Variants in CLTB observed in about 807,000 individuals in gnomAD.
The protein encoded by CLTB is clathrin light chain B.
Under a neutral mutation model 30.5 loss-of-function variants are expected in CLTB, and 10 were observed. The observed-to-expected ratio is 0.33, with a 90% CI of 0.20 to 0.56. CLTB has a LOEUF of 0.56. Ranked by LOEUF, CLTB falls within the 20% of genes least tolerant of loss-of-function variation. The pLI is 0.91. For synonymous variants in CLTB, 102 were observed against 120.3 expected, an observed-to-expected ratio of 0.85 and a Z score of 1.00; for missense variants, 261 against 308.3, an observed-to-expected ratio of 0.85 and a Z score of 1.15.
intron 2 of CLTB, among the ~76,000 whole-genome samples, chr5:176,398,388 T>C (rs1756655229): frequency 6.6e-6 from 1 of 152,128 alleles, no homozygotes; most frequent in Non-Finnish European, 1.5e-5. Context: ...TGCACTCTGA[T>C]GGGAGGACAT....
At chr5:176,397,744 G>A (rs1756615065) in intron 3 of CLTB, 26 bp from the exon 4 acceptor site, 3 of 1,601,258 alleles carry the variant, frequency 1.9e-6, no homozygotes, top group Non-Finnish European at 1.7e-6. Flanking sequence ...AGAATGAGTG[G>A]CTGCTTTCCA....
At chr5:176,395,469 G>A (rs1472445331) in intron 5 of CLTB, among the ~76,000 whole-genome samples, 1 of 152,234 alleles carries the variant, frequency 6.6e-6, no homozygotes, top group Admixed American at 6.5e-5. Flanking sequence ...AGGCTCTGGT[G>A]TGCTCTGTGC....
At chr5:176,404,463 G>C (rs1036616204) in intron 2 of CLTB, among the ~76,000 whole-genome samples, 4 of 152,242 alleles carry the variant, frequency 2.6e-5, no homozygotes, top group Non-Finnish European at 5.9e-5. Flanking sequence ...GCCAGGCTCA[G>C]AGTAGTTAAG....
chr5:176,401,686 G>A (rs1202419945), intron 2 of CLTB: 2 of 455,968 alleles, frequency 4.4e-6, no homozygotes, highest in Non-Finnish European at 8.8e-6. Flanking sequence ...CGCTCGCCTT[G>A]TGTTGCACAG....
At chr5:176,396,074 G>A (rs1409248651) in intron 5 of CLTB, among the ~76,000 whole-genome samples, 9 of 152,114 alleles carry the variant, frequency 5.9e-5, no homozygotes, top group African/African-American at 1.2e-4. Flanking sequence ...GGTGGAGGTC[G>A]CAGTGAGCCG....
intron 1 of CLTB, among the ~76,000 whole-genome samples, chr5:176,413,081 C>T (rs1032872805): frequency 6.6e-6 from 1 of 152,166 alleles, no homozygotes; most frequent in African/African-American, 2.4e-5. Context: ...CATGCAGTTT[C>T]GGCCTCCTTA....
At chr5:176,403,076 G>T (rs1332454618) in intron 2 of CLTB, among the ~76,000 whole-genome samples, 1 of 146,370 alleles carries the variant, frequency 6.8e-6, no homozygotes. Flanking sequence ...TTGAGGCGGA[G>T]TCTCGCTCTG....
At chr5:176,395,615 G>A (rs559728809) in intron 5 of CLTB, among the ~76,000 whole-genome samples, 4 of 152,218 alleles carry the variant, frequency 2.6e-5, no homozygotes, top group South Asian at 2.1e-4. Flanking sequence ...ACTAACTGAC[G>A]TCGGCACGAG....
At chr5:176,396,593 G>T in intron 4 of CLTB, 61 bp from the exon 5 acceptor site, 1 of 1,196,874 alleles carries the variant, frequency 8.4e-7, no homozygotes, top group Non-Finnish European at 1.2e-6. Flanking sequence ...AGACAGACAG[G>T]CAGGCAGAAG....
chr5:176,415,388 G>C (rs1343032546), intron 1 of CLTB, among the ~76,000 whole-genome samples: 1 of 152,156 alleles, frequency 6.6e-6, no homozygotes, highest in Non-Finnish European at 1.5e-5. Context: ...GACAGGAACA[G>C]GTTTAAATTC....
intron 5 of CLTB, among the ~76,000 whole-genome samples, chr5:176,394,542 G>C (rs567238875): frequency 6.6e-6 from 1 of 152,058 alleles, no homozygotes; most frequent in South Asian, 2.1e-4. Flanking sequence ...GTGTGGCCAG[G>C]CGCGGTGGCT....
intron 2 of CLTB, 46 bp from the exon 3 acceptor site, chr5:176,398,093 C>T: frequency 6.4e-7 from 1 of 1,558,296 alleles, no homozygotes; most frequent in Non-Finnish European, 8.9e-7. Context: ...CACACCTGCC[C>T]CGCTGTCTCT....
At chr5:176,397,778 C>T (rs1320200971) in intron 3 of CLTB, 60 bp from the exon 4 acceptor site, 6 of 1,547,898 alleles carry the variant, frequency 3.9e-6, no homozygotes, top group African/African-American at 2.7e-5. Flanking sequence ...GGCCCGGCCG[C>T]GCTCCTCCCC....
In CLTB at chr5:176,416,204, G is replaced by A; in HGVS notation, c.160C>T (p.Pro54Ser). Reference sequence around the variant, plus strand: ...CCACTCGTGGGGCCCGGCTGCGCGGGGGCCGCATGGCTGCCGGCAGGTGCC... The same window carrying A: ...CCACTCGTGGGGCCCGGCTGCGCGGAGGCCGCATGGCTGCCGGCAGGTGCC... ...FGAPAGSHAAPAQPGPTSGAG... is the reference protein window; with the variant it reads ...FGAPAGSHAASAQPGPTSGAG... The change falls in exon 1 of 6, where the codon CCC becomes TCC. Residue 54 changes from proline to serine, a missense_variant. Physicochemically the swap from Pro to Ser is moderately conservative, Grantham distance 74. This residue lies in a region of CLTB where 113 missense variants were observed against 102.5 expected (regional missense o/e 1.10). Transcript: ENST00000310418. 1 of 1,592,458 alleles carries A rather than the reference G, an allele frequency of 6.3e-7. No homozygotes were observed. The highest frequency in any genetic ancestry group is 8.5e-7 in the Non-Finnish European group (1 of 1,172,604).
chr5:176,397,291 GTCATGTCCCCACAGCCCCTC>G (rs1318489945), intron 4 of CLTB, among the ~76,000 whole-genome samples: 1 of 151,626 alleles, frequency 6.6e-6, no homozygotes, highest in East Asian at 1.9e-4. Context: ...GCAGTGTTCA[GTCATGTCCCCACAGCCCCTC>G]TCATGTCCCC....
chr5:176,398,096 C>T (rs1756639230), intron 2 of CLTB, 49 bp from the exon 3 acceptor site: 2 of 1,536,614 alleles, frequency 1.3e-6, no homozygotes, highest in Non-Finnish European at 1.8e-6. Context: ...ACCTGCCCCG[C>T]TGTCTCTGCT....
At chr5:176,404,315 C>G (rs1443274875) in intron 2 of CLTB, among the ~76,000 whole-genome samples, 1 of 152,244 alleles carries the variant, frequency 6.6e-6, no homozygotes, top group Non-Finnish European at 1.5e-5. Flanking sequence ...CTGGGACGCA[C>G]CCCCACACAC....
At chr5:176,394,188 G>A (rs1433747291) in intron 5 of CLTB, among the ~76,000 whole-genome samples, 2 of 152,212 alleles carry the variant, frequency 1.3e-5, no homozygotes, top group Non-Finnish European at 2.9e-5. Context: ...GGGATGAGGG[G>A]AGCTATCCTC....
chr5:176,392,837 G>A lies in CLTB; in HGVS notation c.627C>T (p.Cys209=), dbSNP rs1176527972. The change falls in exon 6 of 6, where the codon TGC becomes TGT. Residue 209 remains cysteine (C), a synonymous_variant. Coordinates refer to ENST00000310418, the MANE Select transcript of CLTB (RefSeq NM_007097.5). The surrounding 1 kb of genome is among the most constrained non-coding windows in gnomAD (Gnocchi z 5.2). ...CCGAGCGCAGGCGGGACACATCTTT[G>A]CACTGCTTGCTGCTCTTGGGGTTGA... ...CDFNPKSSKQ[C]KDVSRLRSVL... is the part of the protein sequence containing the mutation. The A allele has an allele frequency of 6.2e-7, 1 of 1,614,146 alleles. No homozygotes were observed. The highest frequency in any genetic ancestry group is 8.5e-7 in the Non-Finnish European group (1 of 1,180,054).
Sources: gnomAD v4.1 joint callset for allele counts (sites outside exome capture counted in the v4.1 genomes callset) on GRCh38, gnomAD v4.1.1 for gene constraint, gnomAD v4.1.1 regional missense constraint, Gnocchi (gnomAD v3.1) non-coding constraint, MANE v1.5 for transcripts, NCBI Gene and HGNC (gene_info 2026-07-23, HGNC 2026-07-21) for gene names.